The following MFHAS1 variants were observed in gnomAD, a reference collection of about 807,000 sequenced individuals.
The protein encoded by MFHAS1 is multifunctional ROCO family signaling regulator 1, also known as malignant fibrous histiocytoma-amplified sequence 1.
In MFHAS1, 50 loss-of-function variants were observed where a neutral mutation model predicts 70.4. The ratio of observed to expected loss-of-function variants is 0.71; its 90% CI spans 0.57 to 0.90. The LOEUF is 0.90. Ranked by LOEUF, MFHAS1 falls within the 40% of genes least tolerant of loss-of-function variation. MFHAS1 has a pLI of 0.00. For synonymous variants in MFHAS1, 952 were observed against 620.0 expected (o/e 1.54, Z -7.96); for missense variants, 1,795 against 1,347.6 (o/e 1.33, Z -5.20).
At chr8:8,880,948 T>C (rs1809499053) in intron 1 of MFHAS1, among the ~76,000 whole-genome samples, 1 of 152,076 alleles carries the variant, frequency 6.6e-6, no homozygotes, top group Non-Finnish European at 1.5e-5. Context: ...CCTCCCAAAG[T>C]GATGTGATTA....
intron 1 of MFHAS1, among the ~76,000 whole-genome samples, chr8:8,880,964 G>A (rs1481485695): frequency 1.3e-5 from 2 of 152,146 alleles, no homozygotes; most frequent in Non-Finnish European, 2.9e-5. Flanking sequence ...GATTACAGGT[G>A]TGAGCCATCA....
At chr8:8,855,060 C>T (rs888159657) in intron 1 of MFHAS1, among the ~76,000 whole-genome samples, 1 of 152,100 alleles carries the variant, frequency 6.6e-6, no homozygotes, top group African/African-American at 2.4e-5. Context: ...CAGTCGTGGT[C>T]CTCCCTCAGT....
intron 1 of MFHAS1, among the ~76,000 whole-genome samples, chr8:8,886,341 T>C (rs1809752349): frequency 6.6e-6 from 1 of 151,870 alleles, no homozygotes; most frequent in South Asian, 2.1e-4. Context: ...TATTTTTTAT[T>C]TTTTTTTGTA....
Position 8,888,939 on chromosome 8 carries a change from T to C in MFHAS1, c.2998+1122A>G, listed in dbSNP as rs1049487282. ...ATGTTGACGTTGGTGAAGCTACGCA[T>C]GTGGGGAAGGGGATATATGGGAAAT... On this transcript the variant is annotated intron_variant, in intron 1 of 2. Transcript: ENST00000276282. Among the ~76,000 whole-genome samples the C allele has an allele frequency of 3.3e-5, 5 of 150,172 alleles. No individual in the cohort carries two copies. The Admixed American group carries it at 3.4e-4, about 10-fold the overall frequency.
At position 8,891,509 on chromosome 8, in the gene MFHAS1, C is replaced by G. The variant is rs767689063; in HGVS notation, c.1550G>C (p.Gly517Ala). 5 of 1,612,976 alleles carry G rather than the reference C, an allele frequency of 3.1e-6. No individual in the cohort carries two copies. The African/African-American group carries it at 5.3e-5, about 17-fold the overall frequency. ...CGCCCCGACCCGATGCAAGAAGGAGCCCACGGTGGTAGGAAAGTGGCGAGG... is the reference window on the plus strand; with the variant it reads ...CGCCCCGACCCGATGCAAGAAGGAGGCCACGGTGGTAGGAAAGTGGCGAGG... ...YEPRHFPTTVGSFLHRVGARV... is the reference protein window; with the variant it reads ...YEPRHFPTTVASFLHRVGARV... Residue 517 changes from glycine (G) to alanine (A), a missense_variant, in exon 1 of 3, where the codon GGC becomes GCC. Physicochemically the swap from Gly to Ala is moderately conservative, Grantham distance 60. Transcript: ENST00000276282. The surrounding 1 kb of genome is among the most constrained non-coding windows in gnomAD (Gnocchi z 5.4).
At chr8:8,790,463 C>A (rs1805683644) in intron 2 of MFHAS1, 28 of 741,818 alleles carry the variant, frequency 3.8e-5, no homozygotes, top group Admixed American at 1.3e-4. Context: ...ATTCCAGTAT[C>A]AATGTGGCTG....
chr8:8,838,075 G>C (rs191347292), intron 1 of MFHAS1, among the ~76,000 whole-genome samples: 213 of 152,344 alleles, frequency 1.4e-3, no homozygotes, highest in African/African-American at 4.9e-3. Flanking sequence ...GGCATATTCA[G>C]CAATAAGATG....
chr8:8,879,861 A>G (rs1809444922), intron 1 of MFHAS1, among the ~76,000 whole-genome samples: 4 of 152,186 alleles, frequency 2.6e-5, no homozygotes, highest in Admixed American at 2.6e-4. Context: ...TAATCTGGTA[A>G]TCATCTACAT....
chr8:8,878,717 G>A (rs1809392884), intron 1 of MFHAS1, among the ~76,000 whole-genome samples: 1 of 151,750 alleles, frequency 6.6e-6, no homozygotes, highest in African/African-American at 2.4e-5. Flanking sequence ...AGAGTGAGGA[G>A]GAAGGGAGGG....
chr8:8,792,161 C>T (rs1805739373), intron 2 of MFHAS1, among the ~76,000 whole-genome samples: 1 of 151,250 alleles, frequency 6.6e-6, no homozygotes, highest in Non-Finnish European at 1.5e-5. Context: ...CATTTGAACC[C>T]AGGGGGCAGA....
At chr8:8,807,701 G>A (rs1005523456) in intron 1 of MFHAS1, among the ~76,000 whole-genome samples, 3 of 152,184 alleles carry the variant, frequency 2.0e-5, no homozygotes, top group African/African-American at 7.2e-5. Context: ...GCCAGAGCTG[G>A]TGTGAAAGGC....
rs1179848870 is a variant in MFHAS1, at chr8:8,890,334, T to G, written c.2725A>C (p.Arg909=). 2 of 1,614,222 alleles carry G rather than the reference T, an allele frequency of 1.2e-6. No homozygotes were observed. Among genetic ancestry groups the G allele is most frequent in the South Asian group, 2.2e-5 (2 of 91,088 alleles). Residue 909 remains arginine, a synonymous_variant, in exon 1 of 3, where the codon AGG becomes CGG. Coordinates refer to ENST00000276282, the MANE Select transcript of MFHAS1 (RefSeq NM_004225.3). ...SVQINSHVVH[R]SDGKFQIFAY... is the part of the protein sequence containing the mutation. ...AAGATCTGAAATTTACCATCCGACC[T>G]GTGCACCACATGGCTGTTGATCTGG...
intron 1 of MFHAS1, among the ~76,000 whole-genome samples, chr8:8,813,655 AC>A (rs1806632409): frequency 6.6e-6 from 1 of 152,228 alleles, no homozygotes; most frequent in South Asian, 2.1e-4. Context: ...GTACAGCTGT[AC>A]AATGTTTGTA....
intron 1 of MFHAS1, among the ~76,000 whole-genome samples, chr8:8,883,500 G>A (rs967108830): frequency 6.6e-6 from 1 of 151,706 alleles, no homozygotes; most frequent in Admixed American, 6.6e-5. Flanking sequence ...GTGAGGTCAG[G>A]AGTTCAAGAC....
In MFHAS1 at chr8:8,890,682, G is replaced by A; in HGVS notation, c.2377C>T (p.Leu793=). ...TGAGCTGGCAAGAGCCCATGCAACA[G>A]AAAGCCCTCCACATACTGATGGAGC... The part of the protein sequence containing the change: ...TQLHQYVEGF[L]LHGLLPAHVI... Residue 793 remains leucine, a synonymous_variant, in exon 1 of 3, where the codon CTG becomes TTG. Transcript: ENST00000276282. The A allele has an allele frequency of 1.2e-6, 2 of 1,613,576 alleles. No homozygotes were observed. Among genetic ancestry groups the A allele is most frequent in the Non-Finnish European group, 1.7e-6 (2 of 1,179,660 alleles).
intron 1 of MFHAS1, among the ~76,000 whole-genome samples, chr8:8,829,437 T>A (rs539792310): frequency 1.3e-5 from 2 of 152,320 alleles, no homozygotes; most frequent in South Asian, 2.1e-4. Flanking sequence ...TCAGAGCACG[T>A]TGGGAGGCCT....
intron 1 of MFHAS1, among the ~76,000 whole-genome samples, chr8:8,888,163 C>T (rs1809843041): frequency 6.6e-6 from 1 of 152,134 alleles, no homozygotes; most frequent in Middle Eastern, 3.2e-3. Context: ...GACAAGATTC[C>T]AGATAAACAT....
chr8:8,874,232 A>G (rs1005383520), intron 1 of MFHAS1, among the ~76,000 whole-genome samples: 1 of 152,070 alleles, frequency 6.6e-6, no homozygotes, highest in Non-Finnish European at 1.5e-5. Flanking sequence ...TAGTTTAACA[A>G]TCTGGAAAGG....
At chr8:8,889,051 AC>A (rs892668355) in intron 1 of MFHAS1, among the ~76,000 whole-genome samples, 3 of 151,420 alleles carry the variant, frequency 2.0e-5, no homozygotes, top group African/African-American at 4.8e-5. Flanking sequence ...AAAACAAAAA[AC>A]CCCAGACAAC....
Sources: gnomAD v4.1 joint callset for allele counts (sites outside exome capture counted in the v4.1 genomes callset) on GRCh38, gnomAD v4.1.1 for gene constraint, Gnocchi (gnomAD v3.1) non-coding constraint, MANE v1.5 for transcripts, NCBI Gene and HGNC (gene_info 2026-07-23, HGNC 2026-07-21) for gene names.